GKAP1: variants seen among roughly 807,000 people sequenced by gnomAD.
GKAP1 encodes the protein G kinase-anchoring protein 1.
In GKAP1, 31 loss-of-function variants were observed where a neutral mutation model predicts 56.7. The observed-to-expected ratio is 0.55, with a 90% CI of 0.41 to 0.74. The LOEUF (loss-of-function observed/expected upper bound fraction) is 0.74. GKAP1 is among the 30% of genes least tolerant of loss of function. GKAP1 has a pLI of 0.00. For synonymous variants in GKAP1, 151 were observed against 138.6 expected (o/e 1.09, Z -0.63); for missense variants, 364 against 402.3 (o/e 0.90, Z 0.82).
intron 4 of GKAP1, among the ~76,000 whole-genome samples, chr9:83,792,542 A>C (rs1056407030): frequency 6.6e-6 from 1 of 152,204 alleles, no homozygotes. Context: ...AACACTGACA[A>C]TATGAAGTGT....
intron 7 of GKAP1, among the ~76,000 whole-genome samples, chr9:83,775,866 C>G (rs1407292029): frequency 1.0e-5 from 1 of 99,596 alleles, no homozygotes; most frequent in Admixed American, 1.5e-4. Flanking sequence ...CACAGAGAGA[C>G]TCTGTCTCAA....
rs564342943 is a variant in GKAP1, at chr9:83,798,688, GT to G, written c.360+496del. Among the ~76,000 whole-genome samples, 262 of 151,736 alleles carry G rather than the reference GT, an allele frequency of 1.7e-3. 1 individual carries two copies. Among genetic ancestry groups the G allele is most frequent in the African/African-American group, 5.9e-3 (244 of 41,370 alleles). Reference sequence around the variant, plus strand: ...GCCTCCATGCCCGGCTAATTTTTCTGTTTTTTTTGTAGACAAAGGGTTTTGC... The same window carrying G: ...GCCTCCATGCCCGGCTAATTTTTCTGTTTTTTTGTAGACAAAGGGTTTTGC... On this transcript the variant is annotated intron_variant, in intron 4 of 12. Transcript: ENST00000376371.
At chr9:83,785,705 TC>T (rs1406302719) in intron 5 of GKAP1, among the ~76,000 whole-genome samples, 1 of 152,168 alleles carries the variant, frequency 6.6e-6, no homozygotes. Flanking sequence ...TTCCCCCATC[TC>T]CCTTTTGCTT....
intron 2 of GKAP1, among the ~76,000 whole-genome samples, chr9:83,816,169 A>T (rs569424676): frequency 6.6e-5 from 10 of 152,260 alleles, no homozygotes; most frequent in African/African-American, 2.4e-4. Context: ...AGCCTGGGCA[A>T]CAAGAGCAAA....
intron 5 of GKAP1, among the ~76,000 whole-genome samples, chr9:83,785,056 C>T (rs980872682): frequency 6.6e-6 from 1 of 152,052 alleles, no homozygotes; most frequent in Non-Finnish European, 1.5e-5. Flanking sequence ...AAAGTCATAC[C>T]TTGGCCTATA....
chr9:83,750,772 G>A lies in GKAP1; in HGVS notation c.841-2400C>T, dbSNP rs146130922. 2.6e-5 allele frequency among the ~76,000 whole-genome samples: 4 copies of A among 151,948 alleles called. No individual in the cohort carries two copies. In the East Asian group the frequency reaches 7.7e-4, roughly 29 times the overall value. On this transcript the variant is annotated intron_variant, in intron 9 of 12. Transcript: ENST00000376371. ...AAATTACTTATTCAATGCTTGTAACGTGCCAGCTACTTAATAATTATCATG... is the reference window on the plus strand; with the variant it reads ...AAATTACTTATTCAATGCTTGTAACATGCCAGCTACTTAATAATTATCATG...
At chr9:83,743,537 G>A (rs1227387828) in intron 10 of GKAP1, among the ~76,000 whole-genome samples, 3 of 152,184 alleles carry the variant, frequency 2.0e-5, no homozygotes, top group African/African-American at 7.2e-5. Context: ...GGAGGCTGCA[G>A]TAAGCCAAGC....
chr9:83,774,480 G>A (rs941903756), intron 7 of GKAP1, among the ~76,000 whole-genome samples: 9 of 151,472 alleles, frequency 5.9e-5, no homozygotes, highest in African/African-American at 1.9e-4. Context: ...GCATGTGCCT[G>A]TAGTCCCAGC....
intron 7 of GKAP1, among the ~76,000 whole-genome samples, chr9:83,769,285 GT>G (rs1943716679): frequency 6.6e-6 from 1 of 152,030 alleles, no homozygotes; most frequent in Non-Finnish European, 1.5e-5. Context: ...CAAGACACTG[GT>G]TTTTTAATAT....
At chr9:83,755,799 C>CTTTT (rs34145592) in intron 8 of GKAP1, among the ~76,000 whole-genome samples, 16 of 124,432 alleles carry the variant, frequency 1.3e-4, no homozygotes, top group South Asian at 5.1e-4. Flanking sequence ...CAAACTGGTA[C>CTTTT]TTTTTTTTTT....
chr9:83,751,761 T>TAA (rs111909937), intron 9 of GKAP1, among the ~76,000 whole-genome samples: 9 of 138,998 alleles, frequency 6.5e-5, no homozygotes, highest in African/African-American at 2.4e-4. Context: ...AAAAATAGAT[T>TAA]AAAAAAAAAA....
intron 2 of GKAP1, among the ~76,000 whole-genome samples, chr9:83,807,413 T>C (rs886194953): frequency 1.1e-4 from 17 of 152,194 alleles, no homozygotes; most frequent in Non-Finnish European, 2.9e-5. Context: ...ACCAGAAGAC[T>C]AAGTGCTCTT....
chr9:83,796,862 T>C (rs1357817047), intron 4 of GKAP1, among the ~76,000 whole-genome samples: 1 of 152,220 alleles, frequency 6.6e-6, no homozygotes, highest in East Asian at 1.9e-4. Context: ...TATATAACAT[T>C]ACTATCCCCT....
At position 83,768,943 on chromosome 9, in the gene GKAP1, G is replaced by A. The variant is rs982609858; in HGVS notation, c.613C>T (p.His205Tyr). 1.9e-6 allele frequency: 3 copies of A among 1,609,814 alleles called. No homozygotes were observed. Among genetic ancestry groups the A allele is most frequent in the Admixed American group, 1.7e-5 (1 of 59,536 alleles). The part of the protein sequence containing the change: ...EELSSSQTLS[H>Y]DGGFFNRLED... ...AGTCTATTGAAGAATCCTCCATCAT[G>A]TGATAAAGTCTGAGAAGAACTCAAT... Residue 205 changes from histidine (H) to tyrosine (Y), a missense_variant, in exon 8 of 13, where the codon CAT becomes TAT. By Grantham distance (83) the His-to-Tyr change is moderately conservative. Coordinates refer to ENST00000376371, the MANE Select transcript of GKAP1 (RefSeq NM_025211.4).
chr9:83,811,953 T>C (rs577855571), intron 2 of GKAP1, among the ~76,000 whole-genome samples: 1 of 151,570 alleles, frequency 6.6e-6, no homozygotes, highest in South Asian at 2.1e-4. Flanking sequence ...CTACATACTA[T>C]GTCAAAAGGT....
chr9:83,772,445 T>C (rs2131272959), intron 7 of GKAP1, among the ~76,000 whole-genome samples: 1 of 152,268 alleles, frequency 6.6e-6, no homozygotes, highest in Admixed American at 6.5e-5. Context: ...AAGGAAGAAC[T>C]AAAACTATAA....
At chr9:83,802,405 G>A (rs978944642) in intron 3 of GKAP1, among the ~76,000 whole-genome samples, 5 of 150,900 alleles carry the variant, frequency 3.3e-5, no homozygotes, top group Non-Finnish European at 7.4e-5. Context: ...CTTGAACCTG[G>A]GAAGCAGAGG....
chr9:83,753,725 A>G (rs1943431506), intron 8 of GKAP1, among the ~76,000 whole-genome samples: 1 of 152,230 alleles, frequency 6.6e-6, no homozygotes, highest in Admixed American at 6.5e-5. Context: ...TATGAAAACT[A>G]AAATAAATAG....
chr9:83,790,218 A>G (rs536018353), intron 4 of GKAP1, among the ~76,000 whole-genome samples: 1 of 152,352 alleles, frequency 6.6e-6, no homozygotes, highest in African/African-American at 2.4e-5. Context: ...GTAAGGATAT[A>G]TAGAACTAGA....
Sources: gnomAD v4.1 joint callset for allele counts (sites outside exome capture counted in the v4.1 genomes callset) on GRCh38, gnomAD v4.1.1 for gene constraint, MANE v1.5 for transcripts, NCBI Gene and HGNC (gene_info 2026-07-23, HGNC 2026-07-21) for gene names.